USP35: variants seen among roughly 807,000 people sequenced by gnomAD.
The protein encoded by USP35 is ubiquitin carboxyl-terminal hydrolase 35.
USP35 carries 69 observed loss-of-function variants against 83.8 expected under a neutral mutation model. That is an observed-to-expected ratio of 0.82 (90% CI 0.68 to 1.01). The LOEUF (loss-of-function observed/expected upper bound fraction) is 1.01. Ranked by LOEUF, USP35 falls within the 50% of genes least tolerant of loss-of-function variation. The pLI is 0.00. For missense variants in USP35, 1,503 were observed against 1,362.5 expected, an observed-to-expected ratio of 1.10 and a Z score of -1.62; for synonymous variants, 714 against 589.5, an observed-to-expected ratio of 1.21 and a Z score of -3.06.
downstream of USP35, chr11:78,215,845 A>AGG (rs1479819584): frequency 6.5e-6 from 1 of 152,680 alleles, no homozygotes; most frequent in Middle Eastern, 3.2e-3. Context: ...CAGATGGGGA[A>AGG]GGAAGAACTC....
At chr11:78,194,652 A>C (rs1336919138) in intron 1 of USP35, among the ~76,000 whole-genome samples, 2 of 152,196 alleles carry the variant, frequency 1.3e-5, no homozygotes, top group Non-Finnish European at 2.9e-5. Context: ...GGTGTGGGAC[A>C]AAGTCTTCAG....
intron 6 of USP35, among the ~76,000 whole-genome samples, chr11:78,202,697 G>A (rs1863392483): frequency 6.6e-6 from 1 of 152,180 alleles, no homozygotes; most frequent in South Asian, 2.1e-4. Flanking sequence ...GATAATCAAA[G>A]CTGCCTTACA....
At chr11:78,224,800 T>C in the USP35 span, among the ~76,000 whole-genome samples, 9 of 152,060 alleles carry the variant, frequency 5.9e-5, no homozygotes, top group Admixed American at 3.3e-4. Context: ...GTGGGTAAGG[T>C]TGCTGTCTTA....
rs377634094 is a variant in USP35 at position 78,200,633 on chromosome 11, C to T, written c.1039-17C>T. The T allele has an allele frequency of 1.3e-6, 2 of 1,597,558 alleles. No homozygotes were observed. Among genetic ancestry groups the T allele is most frequent in the South Asian group, 1.1e-5 (1 of 89,142 alleles). On this transcript the variant is annotated splice_polypyrimidine_tract_variant and intron_variant, in intron 5 of 10. Transcript: ENST00000529308. Reference sequence around the variant, plus strand: ...GGGCGGGTTGGTGCTGAGCCTGACGCAGCTCTGCTCCCACAGCTCCTCCCT... The same window carrying T: ...GGGCGGGTTGGTGCTGAGCCTGACGTAGCTCTGCTCCCACAGCTCCTCCCT...
intron 2 of USP35, among the ~76,000 whole-genome samples, chr11:78,197,307 G>A (rs767953318): frequency 1.3e-4 from 20 of 152,032 alleles, no homozygotes; most frequent in Non-Finnish European, 2.5e-4. Context: ...AGAGCCAGGA[G>A]TTGACAGATT....
rs1246986906 is a variant in USP35 at position 78,213,915 on chromosome 11, C to T, written c.*102C>T. On this transcript the variant is annotated 3_prime_UTR_variant, in exon 11 of 11. Transcript: ENST00000529308. ...TACCAAGAGGAAGGATGGTACAGCT[C>T]ATGGCACCTTAGTCCTCAGCCTGAT... 2 of 1,344,458 alleles carry T rather than the reference C, an allele frequency of 1.5e-6. No individual in the cohort carries two copies. Among genetic ancestry groups the T allele is most frequent in the East Asian group, 2.8e-5 (1 of 35,762 alleles). 83.3% of individuals were successfully genotyped at this position (1,344,458 alleles called of 1,614,324 possible). A position where few individuals can be genotyped will look rare whatever the true frequency, so the allele number is the denominator to read the frequency against.
chr11:78,219,317 T>A, downstream of USP35: 1 of 1,613,902 alleles, frequency 6.2e-7, no homozygotes, highest in Non-Finnish European at 8.5e-7. Context: ...GCCGCACGTC[T>A]GTCCACTCCT....
chr11:78,227,630 C>CA, the USP35 span, among the ~76,000 whole-genome samples: 5 of 86,358 alleles, frequency 5.8e-5, no homozygotes, highest in African/African-American at 3.0e-4. Context: ...TCCATTGCCA[C>CA]CAAAAAAAAA....
At chr11:78,202,726 A>C (rs1863393311) in intron 6 of USP35, among the ~76,000 whole-genome samples, 1 of 152,216 alleles carries the variant, frequency 6.6e-6, no homozygotes, top group African/African-American at 2.4e-5. Context: ...GGCTGCCATG[A>C]TAGGTCATGA....
chr11:78,200,311 G>T, intron 5 of USP35, 77 bp downstream of exon 5: 1 of 1,521,976 alleles, frequency 6.6e-7, no homozygotes, highest in Non-Finnish European at 9.1e-7. Context: ...ACTGCCCCTG[G>T]TAAGGGCCCT....
chr11:78,214,725 T>C lies in USP35; in HGVS notation c.*912T>C, dbSNP rs1268717411. ...GCCTAAGCAAGAGATTGTTCTTCCT[T>C]GGACTCAGGGGCTGTGATGGCCACT... On this transcript the variant is annotated 3_prime_UTR_variant, in exon 11 of 11. Coordinates refer to ENST00000529308, the MANE Select transcript of USP35 (RefSeq NM_020798.4). 2 of 152,136 alleles carry C rather than the reference T, an allele frequency of 1.3e-5. No individual in the cohort carries two copies. The highest frequency in any genetic ancestry group is 1.5e-5 in the Non-Finnish European group (1 of 68,070). The allele number at this position is 152,136 out of a possible 1,614,324, so 9.4% of individuals were successfully genotyped here. A position where few individuals can be genotyped will look rare whatever the true frequency, so the allele number is the denominator to read the frequency against.
rs1216844425 is a variant in USP35, at chr11:78,210,756, C to T, written c.2889+12C>T. The T allele has an allele frequency of 7.2e-6, 11 of 1,521,964 alleles. No individual in the cohort carries two copies. Among genetic ancestry groups the T allele is most frequent in the Middle Eastern group, 1.8e-4 (1 of 5,674 alleles). 94.3% of individuals were successfully genotyped at this position (1,521,964 alleles called of 1,614,324 possible). ...TCCTTTACCTACAGGTGAGCTGAGC[C>T]GTGGGGCCTTTGATCTGATCTCTTG... On this transcript the variant is annotated intron_variant, in intron 10 of 10. Coordinates refer to ENST00000529308, the MANE Select transcript of USP35 (RefSeq NM_020798.4).
the USP35 span, among the ~76,000 whole-genome samples, chr11:78,230,582 A>G: frequency 3.3e-4 from 51 of 152,274 alleles, no homozygotes; most frequent in South Asian, 5.2e-3. Context: ...TTCCACTTCT[A>G]CCAGACCATG....
At chr11:78,198,481 C>T (rs1411291917) in intron 3 of USP35, among the ~76,000 whole-genome samples, 1 of 152,192 alleles carries the variant, frequency 6.6e-6, no homozygotes, top group African/African-American at 2.4e-5. Context: ...TCACAGAGTC[C>T]TTGCATATCC....
At chr11:78,210,766 TTGATC>T (rs774126656) in intron 10 of USP35, 22 bp downstream of exon 10, 7 of 1,511,704 alleles carry the variant, frequency 4.6e-6, no homozygotes, top group Admixed American at 2.2e-5. Context: ...CGTGGGGCCT[TTGATC>T]TGATCTCTTG....
At chr11:78,221,029 A>G in the USP35 span, among the ~76,000 whole-genome samples, 1 of 152,172 alleles carries the variant, frequency 6.6e-6, no homozygotes, top group Non-Finnish European at 1.5e-5. Flanking sequence ...AGGCTGCACA[A>G]GCCCGCATTT....
At chr11:78,225,808 ACC>A in the USP35 span, among the ~76,000 whole-genome samples, 6 of 152,212 alleles carry the variant, frequency 3.9e-5, no homozygotes, top group Non-Finnish European at 8.8e-5. Flanking sequence ...GTTTTGTCCC[ACC>A]AACCTCTCTG....
At chr11:78,215,862 T>C (rs770364213), downstream of USP35, 4 of 152,558 alleles carry the variant, frequency 2.6e-5, no homozygotes, top group South Asian at 2.1e-4. Flanking sequence ...ACTCTGGAAA[T>C]GGGATAGGGG....
chr11:78,206,614 G>A (rs1342392599), intron 7 of USP35, among the ~76,000 whole-genome samples: 3 of 152,184 alleles, frequency 2.0e-5, no homozygotes, highest in Admixed American at 6.5e-5. Flanking sequence ...TTCTCAAAAC[G>A]CCTAGTGAAG....
Sources: gnomAD v4.1 joint callset for allele counts (sites outside exome capture counted in the v4.1 genomes callset) on GRCh38, gnomAD v4.1.1 for gene constraint, MANE v1.5 for transcripts, NCBI Gene and HGNC (gene_info 2026-07-23, HGNC 2026-07-21) for gene names.